The following IGBP1C variants were observed in gnomAD, a reference collection of about 807,000 sequenced individuals.
IGBP1C encodes immunoglobulin-binding protein 1 family member C.
At chr17:58,673,489 A>AAATAAATG in the IGBP1C span, among the ~76,000 whole-genome samples, 52 of 127,350 alleles carry the variant, frequency 4.1e-4, no homozygotes, top group African/African-American at 1.5e-3. Context: ...TCTCAAAAAT[A>AAATAAATG]AATAAATAAA....
the IGBP1C span, among the ~76,000 whole-genome samples, chr17:58,687,050 CCCA>C: frequency 2.3e-3 from 351 of 151,566 alleles, 1 homozygote; most frequent in African/African-American, 8.2e-3. Context: ...GAGCTGAAGG[CCCA>C]TGGGATGTGA....
chr17:58,668,307 T>C, the IGBP1C span, among the ~76,000 whole-genome samples: 1 of 152,336 alleles, frequency 6.6e-6, no homozygotes, highest in East Asian at 1.9e-4. Flanking sequence ...TCTCTATACC[T>C]ATCCTGATGG....
the IGBP1C span, among the ~76,000 whole-genome samples, chr17:58,664,336 A>G: frequency 1.3e-5 from 2 of 152,214 alleles, no homozygotes; most frequent in Non-Finnish European, 2.9e-5. Context: ...CACAGGTACT[A>G]ACAGACCCTT....
the IGBP1C span, chr17:58,679,805 A>G: frequency 3.3e-5 from 5 of 152,192 alleles, no homozygotes; most frequent in Non-Finnish European, 7.3e-5. Flanking sequence ...GATATTTTCC[A>G]AACTACAATA....
the IGBP1C span, among the ~76,000 whole-genome samples, chr17:58,682,558 C>T: frequency 2.6e-5 from 4 of 152,158 alleles, no homozygotes; most frequent in East Asian, 7.7e-4. Flanking sequence ...ACGACCACTC[C>T]TCCAACCAGA....
chr17:58,680,224 C>T, the IGBP1C span, among the ~76,000 whole-genome samples: 1 of 152,036 alleles, frequency 6.6e-6, no homozygotes, highest in South Asian at 2.1e-4. Flanking sequence ...CTTTCTTGCG[C>T]AGTTAAACAA....
chr17:58,667,660 G>A, the IGBP1C span, among the ~76,000 whole-genome samples: 26 of 152,240 alleles, frequency 1.7e-4, no homozygotes, highest in African/African-American at 5.8e-4. Flanking sequence ...TGAGGTGGGC[G>A]AATCACTTGA....
the IGBP1C span, chr17:58,679,824 C>T: frequency 6.6e-6 from 1 of 152,042 alleles, no homozygotes; most frequent in Admixed American, 6.6e-5. Context: ...TAACCCAGCA[C>T]CTGTATTTTT....
At chr17:58,681,863 A>G in the IGBP1C span, among the ~76,000 whole-genome samples, 1 of 152,138 alleles carries the variant, frequency 6.6e-6, no homozygotes. Context: ...AACAAAAAAA[A>G]AGAAAAGAAA....
chr17:58,661,077 A>C, the IGBP1C span: 1 of 1,069,116 alleles, frequency 9.4e-7, no homozygotes, highest in South Asian at 1.2e-5. Flanking sequence ...TTCATTGTAG[A>C]CAACTTATGC....
chr17:58,689,882 C>T, the IGBP1C span, among the ~76,000 whole-genome samples: 1 of 149,970 alleles, frequency 6.7e-6, no homozygotes, highest in Non-Finnish European at 1.5e-5. Flanking sequence ...TGGAGTCTCG[C>T]TCTGTCGCCC....
At chr17:58,685,358 C>T in the IGBP1C span, among the ~76,000 whole-genome samples, 8 of 150,716 alleles carry the variant, frequency 5.3e-5, no homozygotes, top group Admixed American at 2.0e-4. Flanking sequence ...ATCGCTTGAA[C>T]GTGGGAGGTG....
the IGBP1C span, among the ~76,000 whole-genome samples, chr17:58,687,427 C>T: frequency 5.9e-5 from 9 of 152,120 alleles, no homozygotes; most frequent in Non-Finnish European, 1.2e-4. Context: ...CTTTGTTCAG[C>T]CCATAGGTCC....
the IGBP1C span, among the ~76,000 whole-genome samples, chr17:58,681,425 A>G: frequency 0.15 from 22,295 of 152,122 alleles, 2,529 homozygotes; most frequent in East Asian, 0.31. Context: ...CTGACAGTCT[A>G]TCAGTTTTAT....
chr17:58,674,630 C>T, the IGBP1C span, among the ~76,000 whole-genome samples: 2 of 148,836 alleles, frequency 1.3e-5, no homozygotes, highest in Non-Finnish European at 3.0e-5. Flanking sequence ...AGATCCTGCC[C>T]CTGCACTCCA....
the IGBP1C span, among the ~76,000 whole-genome samples, chr17:58,687,585 A>T: frequency 6.6e-6 from 1 of 151,954 alleles, no homozygotes; most frequent in African/African-American, 2.4e-5. Context: ...CACCCACCTA[A>T]GCCTCCCAAA....
the IGBP1C span, among the ~76,000 whole-genome samples, chr17:58,665,617 A>G: frequency 1.3e-5 from 2 of 151,764 alleles, no homozygotes; most frequent in African/African-American, 4.8e-5. Context: ...AAAACAAAAA[A>G]ACCCACAACT....
the IGBP1C span, chr17:58,660,751 T>A: frequency 5.1e-6 from 4 of 781,334 alleles, no homozygotes; most frequent in Non-Finnish European, 9.6e-6. Flanking sequence ...TTCCCTGATC[T>A]GGTAACACTC....
the IGBP1C span, among the ~76,000 whole-genome samples, chr17:58,690,831 G>A: frequency 6.6e-6 from 1 of 152,132 alleles, no homozygotes; most frequent in African/African-American, 2.4e-5. Flanking sequence ...TAAAAAGGAT[G>A]CTAGGTTTGA....
Sources: gnomAD v4.1 joint callset for allele counts (sites outside exome capture counted in the v4.1 genomes callset) on GRCh38, gnomAD v4.1.1 for gene constraint, MANE v1.5 for transcripts, NCBI Gene and HGNC (gene_info 2026-07-23, HGNC 2026-07-21) for gene names.